The following GPC5 variants were observed in gnomAD, a reference collection of about 807,000 sequenced individuals.
GPC5 encodes the protein glypican 5.
A neutral mutation model predicts 53.9 loss-of-function variants in GPC5; 47 were observed. The observed-to-expected ratio is 0.87, with a 90% CI of 0.69 to 1.11. The LOEUF is 1.11. Ranked by LOEUF, GPC5 falls within the 50% of genes most tolerant of loss-of-function variation. GPC5 has a pLI of 0.00. For synonymous variants in GPC5, 286 were observed against 263.3 expected (o/e 1.09, Z -0.84); for missense variants, 748 against 713.1 (o/e 1.05, Z -0.56).
chr13:92,477,320 A>G (rs1879188788), intron 7 of GPC5, among the ~76,000 whole-genome samples: 1 of 152,164 alleles, frequency 6.6e-6, no homozygotes, highest in South Asian at 2.1e-4. Flanking sequence ...ACTGTTTAGA[A>G]TCTTATGTCC....
chr13:91,572,875 C>T (rs2031988176), intron 2 of GPC5, among the ~76,000 whole-genome samples: 3 of 152,064 alleles, frequency 2.0e-5, no homozygotes, highest in Non-Finnish European at 4.4e-5. Context: ...TGCTTATTTC[C>T]TGATCCTTTT....
In GPC5 at chr13:92,349,274, G is replaced by A. The variant is rs2043454684; in HGVS notation, c.1561+204285G>A. Among the ~76,000 whole-genome samples the A allele has an allele frequency of 2.0e-5, 3 of 152,034 alleles. No individual in the cohort carries two copies. The South Asian group carries it at 6.2e-4, about 31-fold the overall frequency. On this transcript the variant is annotated intron_variant, in intron 7 of 7. Coordinates refer to ENST00000377067, the MANE Select transcript of GPC5 (RefSeq NM_004466.6). ...TTCTCCTATCTCAGCCTCCCAAGTA[G>A]CTGGGATCACAGGCATGCGCCATGA...
intron 7 of GPC5, among the ~76,000 whole-genome samples, chr13:92,302,520 T>C (rs191954284): frequency 6.6e-6 from 1 of 152,366 alleles, no homozygotes; most frequent in Admixed American, 6.5e-5. Flanking sequence ...ATTTTTATTC[T>C]ACTTTTTGTA....
chr13:91,490,440 G>A (rs1014316382), intron 2 of GPC5, among the ~76,000 whole-genome samples: 1 of 152,140 alleles, frequency 6.6e-6, no homozygotes. Context: ...GGATATTTAA[G>A]TAGCATTCTC....
intron 2 of GPC5, among the ~76,000 whole-genome samples, chr13:91,567,265 TA>T (rs1304303283): frequency 2.0e-5 from 3 of 152,148 alleles, no homozygotes; most frequent in African/African-American, 7.2e-5. Flanking sequence ...TGTATTTGTG[TA>T]TGTGTGCCTG....
chr13:91,858,159 G>C (rs575302491), intron 5 of GPC5, among the ~76,000 whole-genome samples: 2 of 151,226 alleles, frequency 1.3e-5, no homozygotes, highest in East Asian at 3.9e-4. Flanking sequence ...TCTTTCTTTT[G>C]ACTGATTGCT....
Position 92,384,679 on chromosome 13 carries a change from C to T in GPC5, c.1561+239690C>T, listed in dbSNP as rs61973568. On this transcript the variant is annotated intron_variant, in intron 7 of 7. Transcript: ENST00000377067. The stretch of plus-strand genomic sequence containing the variant: ...TAAGGTAGCCTCACATATAGCATTA[C>T]CTTCATCTGAGCAACACGAAGTGGT... Among the ~76,000 whole-genome samples, 1,487 of 152,196 alleles carry T rather than the reference C, an allele frequency of 9.8e-3. 9 individuals are homozygous for T. Among genetic ancestry groups the T allele is most frequent in the Non-Finnish European group, 0.015 (1,030 of 67,988 alleles).
At chr13:92,472,283 A>C (rs1878943782) in intron 7 of GPC5, among the ~76,000 whole-genome samples, 2 of 152,166 alleles carry the variant, frequency 1.3e-5, no homozygotes, top group East Asian at 3.9e-4. Context: ...AGGAATATTT[A>C]TTGGAAGTTT....
At chr13:91,501,876 T>A (rs1017551443) in intron 2 of GPC5, among the ~76,000 whole-genome samples, 5 of 152,208 alleles carry the variant, frequency 3.3e-5, no homozygotes, top group Admixed American at 2.6e-4. Context: ...TGTAAAAGTG[T>A]TCCTATTTCT....
chr13:91,819,192 C>G, intron 5 of GPC5, among the ~76,000 whole-genome samples: 1 of 123,466 alleles, frequency 8.1e-6, no homozygotes, highest in African/African-American at 3.1e-5. Flanking sequence ...TGGAGTCTCA[C>G]ACTCTCGCCT....
intron 7 of GPC5, among the ~76,000 whole-genome samples, chr13:92,176,393 GAAGT>G (rs1345168375): frequency 6.6e-6 from 1 of 152,162 alleles, no homozygotes; most frequent in East Asian, 1.9e-4. Flanking sequence ...ACAAGGACGA[GAAGT>G]AAGTGGTGGT....
intron 7 of GPC5, among the ~76,000 whole-genome samples, chr13:92,795,701 G>A (rs1876651485): frequency 6.6e-6 from 1 of 152,088 alleles, no homozygotes; most frequent in Non-Finnish European, 1.5e-5. Context: ...AGTGGGCAAA[G>A]GATATGAACA....
intron 7 of GPC5, among the ~76,000 whole-genome samples, chr13:92,422,581 G>A (rs1300443898): frequency 1.3e-5 from 2 of 151,820 alleles, no homozygotes; most frequent in Non-Finnish European, 2.9e-5. Flanking sequence ...GACGAGAGGT[G>A]AGATTAGCCT....
chr13:91,994,191 T>G (rs1440982841), intron 6 of GPC5, among the ~76,000 whole-genome samples: 7 of 152,190 alleles, frequency 4.6e-5, no homozygotes, highest in African/African-American at 1.7e-4. Context: ...TGCAAGTGAA[T>G]ATGCATGTAT....
intron 7 of GPC5, among the ~76,000 whole-genome samples, chr13:92,667,647 C>T (rs1026546507): frequency 1.3e-5 from 2 of 151,910 alleles, no homozygotes; most frequent in African/African-American, 4.8e-5. Context: ...GCTGACATTG[C>T]TGCTTTGGGG....
At chr13:91,562,328 T>C (rs1451170472) in intron 2 of GPC5, among the ~76,000 whole-genome samples, 1 of 151,842 alleles carries the variant, frequency 6.6e-6, no homozygotes, top group Non-Finnish European at 1.5e-5. Flanking sequence ...AGCATGAAAA[T>C]TCATTCAACG....
chr13:91,545,233 T>G (rs2030212185), intron 2 of GPC5, among the ~76,000 whole-genome samples: 1 of 152,194 alleles, frequency 6.6e-6, no homozygotes, highest in African/African-American at 2.4e-5. Context: ...ATTTAAAAAC[T>G]GCCATAAGCA....
At chr13:92,479,210 A>C (rs1216683037) in intron 7 of GPC5, among the ~76,000 whole-genome samples, 1 of 152,154 alleles carries the variant, frequency 6.6e-6, no homozygotes, top group Non-Finnish European at 1.5e-5. Flanking sequence ...GTGTATAGAA[A>C]AGAGTATAGG....
chr13:92,638,222 CTAA>C (rs967421054), intron 7 of GPC5, among the ~76,000 whole-genome samples: 4 of 152,080 alleles, frequency 2.6e-5, no homozygotes, highest in African/African-American at 9.7e-5. Context: ...TCTCCTCAGC[CTAA>C]TGAGTGTCCA....
Sources: allele counts gnomAD v4.1 joint callset (sites outside exome capture counted in the v4.1 genomes callset), GRCh38; gene constraint gnomAD v4.1.1; transcripts MANE v1.5; gene names NCBI Gene and HGNC (gene_info 2026-07-23, HGNC 2026-07-21).